The following FRMD4A variants were observed in gnomAD, a reference collection of about 807,000 sequenced individuals.
FRMD4A encodes FERM domain containing 4A, also known as FERM domain-containing protein 4A.
Under a neutral mutation model 129.1 loss-of-function variants are expected in FRMD4A, and 29 were observed. The ratio of observed to expected loss-of-function variants is 0.22; its 90% CI spans 0.17 to 0.31. The LOEUF (loss-of-function observed/expected upper bound fraction) is 0.31. Among genes scored for constraint, FRMD4A ranks in the 10% least tolerant of loss-of-function variants. The pLI is 1.00. For missense variants in FRMD4A, 1,272 were observed against 1,375.8 expected (o/e 0.92, Z 1.19); for synonymous variants, 634 against 571.6 (o/e 1.11, Z -1.56).
intron 8 of FRMD4A, among the ~76,000 whole-genome samples, chr10:13,757,829 C>T (rs563518183): frequency 2.4e-4 from 36 of 152,284 alleles, no homozygotes; most frequent in Non-Finnish European, 4.1e-4. Flanking sequence ...CTGCAACCTC[C>T]GCCTACCAGG....
intron 2 of FRMD4A, among the ~76,000 whole-genome samples, chr10:13,885,025 C>G (rs907295758): frequency 6.6e-6 from 1 of 152,168 alleles, no homozygotes; most frequent in Non-Finnish European, 1.5e-5. Context: ...CATCGTTGAG[C>G]CTTCCAGTAA....
At chr10:14,303,994 C>T (rs1191822666) in intron 2 of FRMD4A, among the ~76,000 whole-genome samples, 1 of 152,156 alleles carries the variant, frequency 6.6e-6, no homozygotes, top group South Asian at 2.1e-4. Flanking sequence ...GAATAATATT[C>T]CATTTTACAT....
chr10:14,172,235 A>G (rs1841514063), intron 2 of FRMD4A, among the ~76,000 whole-genome samples: 1 of 152,226 alleles, frequency 6.6e-6, no homozygotes, highest in Admixed American at 6.5e-5. Context: ...AAACCTAAAA[A>G]CTGAAGGGTT....
intron 2 of FRMD4A, among the ~76,000 whole-genome samples, chr10:14,093,705 A>ATTCCATAATAAATCT (rs61417950): frequency 0.43 from 64,944 of 152,106 alleles, 14,102 homozygotes; most frequent in East Asian, 0.67. Flanking sequence ...CTAAGAGCAG[A>ATTCCATAATAAATCT]TGGCATTTCA....
At chr10:14,277,594 C>A (rs188130171) in intron 2 of FRMD4A, among the ~76,000 whole-genome samples, 31 of 152,358 alleles carry the variant, frequency 2.0e-4, no homozygotes, top group African/African-American at 7.0e-4. Context: ...GGTATTAGCA[C>A]TTACTTTGTT....
At chr10:14,029,398 G>T (rs1833130191) in intron 2 of FRMD4A, among the ~76,000 whole-genome samples, 2 of 151,988 alleles carry the variant, frequency 1.3e-5, no homozygotes, top group Admixed American at 1.3e-4. Context: ...TGAATCATCT[G>T]CTTCAAACGC....
chr10:14,039,460 A>G (rs1033977873), intron 2 of FRMD4A, among the ~76,000 whole-genome samples: 1 of 69,636 alleles, frequency 1.4e-5, no homozygotes, highest in African/African-American at 6.5e-5. Flanking sequence ...CAATCAATCT[A>G]TCTATCTATC....
chr10:14,016,982 G>A (rs2095701305), intron 2 of FRMD4A, among the ~76,000 whole-genome samples: 1 of 152,222 alleles, frequency 6.6e-6, no homozygotes, highest in South Asian at 2.1e-4. Context: ...ACAAGCTGCA[G>A]ATGGATTTTA....
chr10:14,068,756 T>C (rs1178888756), intron 2 of FRMD4A, among the ~76,000 whole-genome samples: 1 of 152,228 alleles, frequency 6.6e-6, no homozygotes, highest in Admixed American at 6.5e-5. Context: ...AGACACTTAC[T>C]ATATTAGGTT....
At chr10:14,261,196 C>T (rs554301805) in intron 2 of FRMD4A, among the ~76,000 whole-genome samples, 4 of 152,226 alleles carry the variant, frequency 2.6e-5, no homozygotes, top group East Asian at 1.9e-4. Context: ...AGAGTGGCTG[C>T]GTGGAACCAT....
chr10:13,648,396 T>G (rs2081284654), intron 24 of FRMD4A, among the ~76,000 whole-genome samples: 1 of 152,176 alleles, frequency 6.6e-6, no homozygotes, highest in African/African-American at 2.4e-5. Flanking sequence ...TGGTTGGGCC[T>G]TGCAGGGGTC....
chr10:14,315,700 T>C (rs1218421), intron 2 of FRMD4A, among the ~76,000 whole-genome samples: 84,985 of 152,098 alleles, frequency 0.56, 23,971 homozygotes, highest in African/African-American at 0.63. Context: ...AACCCCTAAA[T>C]TCCATGACTT....
At chr10:14,282,533 T>C (rs1285775806) in intron 2 of FRMD4A, among the ~76,000 whole-genome samples, 1 of 152,164 alleles carries the variant, frequency 6.6e-6, no homozygotes, top group Non-Finnish European at 1.5e-5. Flanking sequence ...GGGAAACTAA[T>C]AAATTCTAAT....
At chr10:13,990,559 T>C (rs951528228) in intron 2 of FRMD4A, among the ~76,000 whole-genome samples, 4 of 152,138 alleles carry the variant, frequency 2.6e-5, no homozygotes, top group African/African-American at 9.7e-5. Context: ...TGGTTAACTC[T>C]CTCCAGGATG....
intron 2 of FRMD4A, among the ~76,000 whole-genome samples, chr10:13,949,301 C>CAAAAAAAAAA (rs34006963): frequency 2.0e-5 from 2 of 98,890 alleles, no homozygotes; most frequent in African/African-American, 4.8e-5. Context: ...TTCTAGTGAT[C>CAAAAAAAAAA]AAAAAAAAAA....
At chr10:14,202,119 C>A (rs558633746) in intron 2 of FRMD4A, among the ~76,000 whole-genome samples, 1 of 144,394 alleles carries the variant, frequency 6.9e-6, no homozygotes, top group South Asian at 2.4e-4. Context: ...ACCTGGGCCA[C>A]AGAGCAAGAA....
chr10:13,961,761 G>C (rs144629598), intron 2 of FRMD4A, among the ~76,000 whole-genome samples: 277 of 152,252 alleles, frequency 1.8e-3, no homozygotes, highest in Admixed American at 5.9e-3. Context: ...ACTTGAATTT[G>C]TCTAATCATT....
intron 2 of FRMD4A, among the ~76,000 whole-genome samples, chr10:14,155,129 C>T (rs1337633472): frequency 6.6e-6 from 1 of 152,098 alleles, no homozygotes; most frequent in Non-Finnish European, 1.5e-5. Flanking sequence ...TCTCTACAAA[C>T]ATATTTTTTA....
At chr10:14,197,491 G>A (rs1469256116) in intron 2 of FRMD4A, among the ~76,000 whole-genome samples, 1 of 152,136 alleles carries the variant, frequency 6.6e-6, no homozygotes, top group Non-Finnish European at 1.5e-5. Context: ...CTCCCGAGTA[G>A]CTGGGATTAC....
Sources: allele counts gnomAD v4.1 joint callset (sites outside exome capture counted in the v4.1 genomes callset), GRCh38; gene constraint gnomAD v4.1.1; transcripts MANE v1.5; gene names NCBI Gene and HGNC (gene_info 2026-07-23, HGNC 2026-07-21).